SPATA21: variants seen among roughly 807,000 people sequenced by gnomAD.
The protein encoded by SPATA21 is spermatogenesis-associated protein 21.
SPATA21 carries 47 observed loss-of-function variants against 54.8 expected under a neutral mutation model. The ratio of observed to expected loss-of-function variants is 0.86; its 90% CI spans 0.68 to 1.09. SPATA21 has a LOEUF of 1.09. Ranked by LOEUF, SPATA21 falls within the 50% of genes least tolerant of loss-of-function variation. The pLI is 0.00. For missense variants in SPATA21, 599 were observed against 596.4 expected (o/e 1.00, Z -0.05); for synonymous variants, 245 against 235.3 (o/e 1.04, Z -0.38).
intron 1 of SPATA21, among the ~76,000 whole-genome samples, chr1:16,433,133 A>G (rs1022696530): frequency 6.6e-6 from 1 of 152,240 alleles, no homozygotes; most frequent in Admixed American, 6.5e-5. Flanking sequence ...TGCCCGTGCT[A>G]GGGACAACGT....
chr1:16,411,391 C>T (rs767019239), intron 5 of SPATA21, among the ~76,000 whole-genome samples: 5 of 152,116 alleles, frequency 3.3e-5, no homozygotes, highest in Admixed American at 6.6e-5. Context: ...CTTGTCTTGC[C>T]CAGGCTGGTC....
At chr1:16,404,394 T>C (rs1001397194) in intron 8 of SPATA21, among the ~76,000 whole-genome samples, 5 of 151,990 alleles carry the variant, frequency 3.3e-5, no homozygotes, top group African/African-American at 1.2e-4. Context: ...CGCTTGAACC[T>C]GGGACGTGGA....
intron 5 of SPATA21, among the ~76,000 whole-genome samples, chr1:16,416,700 G>A (rs1194315022): frequency 1.3e-5 from 2 of 150,824 alleles, no homozygotes; most frequent in East Asian, 3.9e-4. Flanking sequence ...AAAAAAGAAT[G>A]TGGTGGGAAT....
Position 16,409,223 on chromosome 1 carries a change from G to A in SPATA21, c.588-20C>T, listed in dbSNP as rs755603574. On this transcript the variant is annotated intron_variant, in intron 6 of 12. Coordinates refer to ENST00000335496, the MANE Select transcript of SPATA21 (RefSeq NM_198546.1). This position sits in a 1 kb window ranked among gnomAD's most constrained non-coding sequence, Gnocchi z 4.1. ...TCCTGCCTGCAGAGGACAGAACCCCGACCCAGGGCAACATCCGGCCGCCCA... is the reference window on the plus strand; with the variant it reads ...TCCTGCCTGCAGAGGACAGAACCCCAACCCAGGGCAACATCCGGCCGCCCA... The A allele has an allele frequency of 1.2e-5, 20 of 1,613,524 alleles. No homozygotes were observed. In the East Asian group the frequency reaches 1.6e-4, roughly 13 times the overall value.
chr1:16,433,894 A>AAAAGC (rs2086521542), intron 1 of SPATA21, among the ~76,000 whole-genome samples: 1 of 152,230 alleles, frequency 6.6e-6, no homozygotes, highest in African/African-American at 2.4e-5. Flanking sequence ...TTTAAAGTGT[A>AAAAGC]CAATTCAACG....
intron 7 of SPATA21, among the ~76,000 whole-genome samples, chr1:16,405,394 A>G (rs2085600847): frequency 6.6e-6 from 1 of 151,462 alleles, no homozygotes; most frequent in African/African-American, 2.4e-5. Flanking sequence ...CCCAGCTACA[A>G]CACTCAGCTA....
intron 12 of SPATA21, 107 bp from the exon 13 acceptor site, chr1:16,398,929 C>T (rs960089931): frequency 9.2e-6 from 11 of 1,191,710 alleles, no homozygotes; most frequent in South Asian, 1.5e-5. Flanking sequence ...GAGGAGGCCT[C>T]CCCTCAGAAA....
Position 16,409,021 on chromosome 1 carries a change from T to G in SPATA21, c.673+97A>C. The stretch of plus-strand genomic sequence containing the variant: ...TCTGCTACACATGGCGGCAGCCATG[T>G]GATCTGGAAAGCACCCCAGTCCGCC... On this transcript the variant is annotated intron_variant, in intron 7 of 12. Transcript: ENST00000335496. The surrounding 1 kb of genome is among the most constrained non-coding windows in gnomAD (Gnocchi z 4.1). 3 of 1,298,008 alleles carry G rather than the reference T, an allele frequency of 2.3e-6. No homozygotes were observed. Among genetic ancestry groups the G allele is most frequent in the Non-Finnish European group, 2.2e-6 (2 of 909,026 alleles). 80.4% of individuals were successfully genotyped at this position (1,298,008 alleles called of 1,614,324 possible).
intron 3 of SPATA21, 150 bp downstream of exon 3, chr1:16,431,188 G>A (rs2086447916): frequency 7.9e-6 from 12 of 1,514,508 alleles, no homozygotes; most frequent in Non-Finnish European, 1.1e-5. Flanking sequence ...GGCAGGGGAA[G>A]GGAAAGGTGC....
At chr1:16,427,834 A>C (rs148185047) in intron 3 of SPATA21, 1 of 1,535,030 alleles carries the variant, frequency 6.5e-7, no homozygotes, top group African/African-American at 1.4e-5. Flanking sequence ...TCTCTCTTGG[A>C]CCTGTTCTCT....
intron 7 of SPATA21, among the ~76,000 whole-genome samples, chr1:16,407,643 A>G (rs2085686250): frequency 6.6e-6 from 1 of 152,026 alleles, no homozygotes; most frequent in Admixed American, 6.6e-5. Context: ...TATTTTTAGT[A>G]GAGACAGGGT....
At chr1:16,408,626 C>A in intron 7 of SPATA21, 2 of 653,808 alleles carry the variant, frequency 3.1e-6, no homozygotes, top group Non-Finnish European at 3.8e-6. Context: ...TAATTCCAGA[C>A]TTTGGGAGGC....
At chr1:16,404,063 T>C (rs1056096252) in intron 8 of SPATA21, 24 bp from the exon 9 acceptor site, 1 of 1,550,592 alleles carries the variant, frequency 6.4e-7, no homozygotes, top group Non-Finnish European at 8.7e-7. Context: ...AGGAGTAGGG[T>C]GGGCAGGGAC....
intron 10 of SPATA21, among the ~76,000 whole-genome samples, chr1:16,401,647 T>C (rs894075452): frequency 6.6e-6 from 1 of 152,202 alleles, no homozygotes; most frequent in African/African-American, 2.4e-5. Flanking sequence ...TGCAAGTACT[T>C]ATCTGTGCAA....
At position 16,431,415 on chromosome 1, in the gene SPATA21, G is replaced by A; in HGVS notation, c.-44C>T. Reference sequence around the variant, plus strand: ...GGTGCCAAGTGAGGGGCATCACCTAGTGTGCTCCTACAGGAGAAATCCAAT... The same window carrying A: ...GGTGCCAAGTGAGGGGCATCACCTAATGTGCTCCTACAGGAGAAATCCAAT... On this transcript the variant is annotated 5_prime_UTR_variant, in exon 3 of 13. Coordinates refer to ENST00000335496, the MANE Select transcript of SPATA21 (RefSeq NM_198546.1). 6.2e-7 allele frequency: 1 copy of A among 1,612,292 alleles called. No homozygotes were observed. The highest frequency in any genetic ancestry group is 1.1e-5 in the South Asian group (1 of 90,766).
At chr1:16,403,238 G>T (rs1459025024) in intron 10 of SPATA21, among the ~76,000 whole-genome samples, 2 of 152,176 alleles carry the variant, frequency 1.3e-5, no homozygotes, top group South Asian at 2.1e-4. Flanking sequence ...AGTGCATGCT[G>T]CAGGAAAGAA....
At chr1:16,429,305 G>GT (rs201180346) in intron 3 of SPATA21, among the ~76,000 whole-genome samples, 3,144 of 141,760 alleles carry the variant, frequency 0.022, 116 homozygotes, top group African/African-American at 0.075. Context: ...GCCTGGCTTT[G>GT]TTTTTTTTTT....
intron 5 of SPATA21, among the ~76,000 whole-genome samples, chr1:16,413,804 G>T (rs1304575995): frequency 6.6e-6 from 1 of 151,904 alleles, no homozygotes; most frequent in Non-Finnish European, 1.5e-5. Flanking sequence ...GTAGAGAGAG[G>T]GTTTCGCTAT....
chr1:16,424,247 A>G (rs1376511654), intron 3 of SPATA21, among the ~76,000 whole-genome samples: 7 of 123,710 alleles, frequency 5.7e-5, no homozygotes, highest in Admixed American at 8.6e-5. Context: ...TGGGAGGCAG[A>G]GCTTGCAGTG....
Sources: allele counts gnomAD v4.1 joint callset (sites outside exome capture counted in the v4.1 genomes callset), GRCh38; gene constraint gnomAD v4.1.1; non-coding constraint Gnocchi (gnomAD v3.1); transcripts MANE v1.5; gene names NCBI Gene and HGNC (gene_info 2026-07-23, HGNC 2026-07-21).